The following SLC16A10 variants were observed in gnomAD, a reference collection of about 807,000 sequenced individuals.
SLC16A10 encodes the protein monocarboxylate transporter 10.
A neutral mutation model predicts 40.0 loss-of-function variants in SLC16A10; 27 were observed. That is an observed-to-expected ratio of 0.67 (90% CI 0.50 to 0.93). SLC16A10 has a LOEUF of 0.93. Ranked by LOEUF, SLC16A10 falls within the 40% of genes least tolerant of loss-of-function variation. SLC16A10 has a pLI of 0.00. For synonymous variants in SLC16A10, 213 were observed against 249.8 expected, an observed-to-expected ratio of 0.85 and a Z score of 1.39; for missense variants, 529 against 658.2, an observed-to-expected ratio of 0.80 and a Z score of 2.15.
intron 3 of SLC16A10, among the ~76,000 whole-genome samples, chr6:111,191,664 C>T (rs1351573117): frequency 6.6e-6 from 1 of 152,356 alleles, no homozygotes; most frequent in East Asian, 1.9e-4. Context: ...TATTTCTCCA[C>T]ATCCTCTCCA....
intron 1 of SLC16A10, among the ~76,000 whole-genome samples, chr6:111,126,577 G>A (rs1257932227): frequency 6.6e-6 from 1 of 152,084 alleles, no homozygotes; most frequent in Non-Finnish European, 1.5e-5. Context: ...TCTAGTTAGA[G>A]TCATGTGAGG....
At chr6:111,139,895 C>T (rs1375680814) in intron 1 of SLC16A10, among the ~76,000 whole-genome samples, 1 of 152,160 alleles carries the variant, frequency 6.6e-6, no homozygotes, top group Admixed American at 6.6e-5. Flanking sequence ...ATAAGCATTC[C>T]TTTTTCTCTA....
intron 1 of SLC16A10, among the ~76,000 whole-genome samples, chr6:111,150,538 G>A (rs761514820): frequency 5.9e-5 from 9 of 152,198 alleles, no homozygotes; most frequent in Non-Finnish European, 1.0e-4. Context: ...GAGGGCTGGT[G>A]TAGCAGTTAT....
At chr6:111,093,070 A>G (rs1771012534) in intron 1 of SLC16A10, among the ~76,000 whole-genome samples, 1 of 150,194 alleles carries the variant, frequency 6.7e-6, no homozygotes, top group Non-Finnish European at 1.5e-5. Context: ...AGAAAAAAAG[A>G]AAAAAGAAAG....
rs914806095 is a variant in SLC16A10 at position 111,223,943 on chromosome 6, T to TA, written c.*1719dup. On this transcript the variant is annotated 3_prime_UTR_variant, in exon 6 of 6. Coordinates refer to ENST00000368851, the MANE Select transcript of SLC16A10 (RefSeq NM_018593.5). ...AGCAAGATCCTGTCTCTACTAAAAA[T>TA]AAAAAAAAAAATTAGGCCAAGCATA... is the stretch of plus-strand genomic sequence containing the variant. 87 of 146,400 alleles carry TA rather than the reference T, an allele frequency of 5.9e-4. 1 individual carries two copies. The highest frequency in any genetic ancestry group is 4.4e-3 in the East Asian group (22 of 5,040). The allele number at this position is 146,400 out of a possible 1,614,324, so 9.1% of individuals were successfully genotyped here.
chr6:111,114,470 G>A (rs1398537240), intron 1 of SLC16A10, among the ~76,000 whole-genome samples: 5 of 152,188 alleles, frequency 3.3e-5, no homozygotes, highest in Admixed American at 1.3e-4. Flanking sequence ...AAATTGTGAT[G>A]TAATGTCTCA....
At chr6:111,092,228 C>T (rs1211581141) in intron 1 of SLC16A10, among the ~76,000 whole-genome samples, 2 of 151,936 alleles carry the variant, frequency 1.3e-5, no homozygotes, top group African/African-American at 4.8e-5. Context: ...TGCCCAGCTG[C>T]CAATGACATG....
In SLC16A10 at chr6:111,219,141, A is replaced by C. The variant is rs1583369868; in HGVS notation, c.1315+99A>C. On this transcript the variant is annotated intron_variant, in intron 5 of 5. Transcript: ENST00000368851. ...TTATATGTAAAACATATTACAGGTT[A>C]TTGATTACTGGTCTTTTGCTTTTAT... 2.8e-6 allele frequency: 3 copies of C among 1,082,106 alleles called. No individual in the cohort carries two copies. In the East Asian group the frequency reaches 7.8e-5, roughly 28 times the overall value. The allele number at this position is 1,082,106 out of a possible 1,614,324, so 67.0% of individuals were successfully genotyped here.
At chr6:111,209,569 T>C (rs1353522535) in intron 4 of SLC16A10, among the ~76,000 whole-genome samples, 1 of 152,192 alleles carries the variant, frequency 6.6e-6, no homozygotes, top group African/African-American at 2.4e-5. Flanking sequence ...AAGTAGTGTT[T>C]AGAGCTCATG....
Position 111,222,935 on chromosome 6 carries a change from G to A in SLC16A10, c.*700G>A, listed in dbSNP as rs1004980875. On this transcript the variant is annotated 3_prime_UTR_variant, in exon 6 of 6. Transcript: ENST00000368851. ...GTTGTTCCCTTTGCGTTTGCAGTGC[G>A]TTTTACTCAAGTAGCCAGAAACACC... The A allele has an allele frequency of 3.9e-5, 6 of 152,132 alleles. No homozygotes were observed. Among genetic ancestry groups the A allele is most frequent in the African/African-American group, 1.2e-4 (5 of 41,424 alleles). The allele number at this position is 152,132 out of a possible 1,614,324, so 9.4% of individuals were successfully genotyped here. A position where few individuals can be genotyped will look rare whatever the true frequency, so the allele number is the denominator to read the frequency against.
intron 3 of SLC16A10, among the ~76,000 whole-genome samples, chr6:111,196,400 C>A (rs966060963): frequency 2.0e-5 from 3 of 152,112 alleles, no homozygotes. Flanking sequence ...CCCATGGTCC[C>A]AGCTACTTAG....
At chr6:111,185,809 C>T (rs1772886227) in intron 3 of SLC16A10, among the ~76,000 whole-genome samples, 1 of 151,990 alleles carries the variant, frequency 6.6e-6, no homozygotes, top group African/African-American at 2.4e-5. Context: ...CGCTCCGAGG[C>T]CACTGGTGGA....
intron 1 of SLC16A10, among the ~76,000 whole-genome samples, chr6:111,116,629 G>A (rs1377216047): frequency 1.3e-5 from 2 of 152,214 alleles, no homozygotes; most frequent in African/African-American, 2.4e-5. Flanking sequence ...AATGGTTACT[G>A]TGCAGCAACA....
chr6:111,089,241 C>G (rs1237350953), intron 1 of SLC16A10, among the ~76,000 whole-genome samples: 1 of 152,110 alleles, frequency 6.6e-6, no homozygotes, highest in African/African-American at 2.4e-5. Context: ...AGTTTTAAAA[C>G]CTGACATAAA....
intron 5 of SLC16A10, among the ~76,000 whole-genome samples, 156 bp downstream of exon 5, chr6:111,219,198 C>T (rs1770840816): frequency 1.3e-5 from 2 of 152,032 alleles, no homozygotes; most frequent in South Asian, 4.1e-4. Flanking sequence ...TTTAATAAGA[C>T]TAGCTATTAA....
At chr6:111,114,846 A>C (rs1233003054) in intron 1 of SLC16A10, among the ~76,000 whole-genome samples, 1 of 152,222 alleles carries the variant, frequency 6.6e-6, no homozygotes, top group Non-Finnish European at 1.5e-5. Flanking sequence ...AATGAAAAGT[A>C]TGTATTTTAA....
intron 3 of SLC16A10, among the ~76,000 whole-genome samples, chr6:111,203,885 G>T (rs890724141): frequency 6.6e-5 from 10 of 151,994 alleles, no homozygotes; most frequent in African/African-American, 2.4e-4. Flanking sequence ...AAGTAGAGCA[G>T]GGGGGAAATA....
chr6:111,172,921 C>A (rs1772613374), intron 2 of SLC16A10, 82 bp downstream of exon 2: 6 of 1,495,000 alleles, frequency 4.0e-6, no homozygotes, highest in Non-Finnish European at 5.5e-6. Context: ...ATGCTATTTA[C>A]AAGCAAAGAT....
chr6:111,123,030 A>T (rs73528995), intron 1 of SLC16A10, among the ~76,000 whole-genome samples: 69 of 152,210 alleles, frequency 4.5e-4, no homozygotes, highest in African/African-American at 1.6e-3. Context: ...TTTCACTCAC[A>T]TGTTGCATAT....
Sources: allele counts gnomAD v4.1 joint callset (sites outside exome capture counted in the v4.1 genomes callset), GRCh38; gene constraint gnomAD v4.1.1; transcripts MANE v1.5; gene names NCBI Gene and HGNC (gene_info 2026-07-23, HGNC 2026-07-21).